BMPER: variants seen among roughly 807,000 people sequenced by gnomAD.
The protein encoded by BMPER is BMP-binding endothelial regulator protein.
A neutral mutation model predicts 87.3 loss-of-function variants in BMPER; 45 were observed. That is an observed-to-expected ratio of 0.52 (90% CI 0.41 to 0.66). The LOEUF (loss-of-function observed/expected upper bound fraction) is 0.66. Among genes scored for constraint, BMPER ranks in the 30% least tolerant of loss-of-function variants. The probability of loss-of-function intolerance (pLI) is 0.00; values close to 1 mark genes in which losing one functional copy is unlikely to be tolerated. For missense variants in BMPER, 784 were observed against 867.5 expected, an observed-to-expected ratio of 0.90 and a Z score of 1.21; for synonymous variants, 326 against 316.2, an observed-to-expected ratio of 1.03 and a Z score of -0.33.
chr7:34,062,940 G>A (rs1225257241), intron 11 of BMPER, among the ~76,000 whole-genome samples: 1 of 152,252 alleles, frequency 6.6e-6, no homozygotes, highest in East Asian at 1.9e-4. Context: ...TCTAAGCATG[G>A]CCTATTCTGA....
At chr7:34,063,820 C>T (rs1244861655) in intron 11 of BMPER, among the ~76,000 whole-genome samples, 1 of 152,204 alleles carries the variant, frequency 6.6e-6, no homozygotes, top group Non-Finnish European at 1.5e-5. Flanking sequence ...GTATCCATGT[C>T]AATGGAGATG....
At chr7:34,122,810 T>C (rs2127989668) in intron 13 of BMPER, among the ~76,000 whole-genome samples, 1 of 152,342 alleles carries the variant, frequency 6.6e-6, no homozygotes, top group East Asian at 1.9e-4. Context: ...AGGTACATAA[T>C]GATGATTTTC....
intron 2 of BMPER, among the ~76,000 whole-genome samples, chr7:33,926,925 A>G (rs142458137): frequency 6.6e-6 from 1 of 152,334 alleles, no homozygotes; most frequent in Non-Finnish European, 1.5e-5. Context: ...CTTTCCAGCA[A>G]CTGAGATGTC....
At chr7:34,049,879 C>T (rs1181618145) in intron 7 of BMPER, among the ~76,000 whole-genome samples, 1 of 152,144 alleles carries the variant, frequency 6.6e-6, no homozygotes, top group Non-Finnish European at 1.5e-5. Context: ...ACTTCACCAT[C>T]ATTTTTATAG....
intron 5 of BMPER, 92 bp downstream of exon 5, chr7:33,970,511 C>G: frequency 7.7e-7 from 1 of 1,296,774 alleles, no homozygotes; most frequent in Non-Finnish European, 1.1e-6. Context: ...AAATTTTCCT[C>G]ACTTTACATC....
intron 13 of BMPER, among the ~76,000 whole-genome samples, chr7:34,133,415 G>A (rs1301256860): frequency 6.6e-6 from 1 of 152,132 alleles, no homozygotes; most frequent in Non-Finnish European, 1.5e-5. Flanking sequence ...GTTCTGGAAG[G>A]TGGTGTGCCT....
At chr7:34,063,395 GT>G (rs1246185853) in intron 11 of BMPER, among the ~76,000 whole-genome samples, 7 of 144,304 alleles carry the variant, frequency 4.9e-5, no homozygotes, top group Non-Finnish European at 9.0e-5. Context: ...GTGTGTGTGT[GT>G]GTGTGTGTGT....
chr7:34,069,600 T>A (rs1484578969), intron 11 of BMPER, among the ~76,000 whole-genome samples: 1 of 152,222 alleles, frequency 6.6e-6, no homozygotes, highest in Non-Finnish European at 1.5e-5. Context: ...AAGCCCAAAC[T>A]TTTATGCACT....
At chr7:34,029,232 T>G (rs574554756) in intron 6 of BMPER, among the ~76,000 whole-genome samples, 138 of 152,170 alleles carry the variant, frequency 9.1e-4, no homozygotes, top group Non-Finnish European at 1.5e-3. Context: ...TTGTGCCAAA[T>G]TTGAAGATCA....
At position 34,134,480 on chromosome 7, in the gene BMPER, C is replaced by T. The variant is rs142111652; in HGVS notation, c.1746-8750C>T. Among the ~76,000 whole-genome samples the T allele has an allele frequency of 7.2e-3, 1,102 of 152,190 alleles. 8 individuals carry two copies. The highest frequency in any genetic ancestry group is 0.01 in the Non-Finnish European group (699 of 68,006). On this transcript the variant is annotated intron_variant, in intron 13 of 14. Coordinates refer to ENST00000649409, the MANE Select transcript of BMPER (RefSeq NM_001365308.1). ...GGATGGGGCCCAAAGTGAAATGAGG[C>T]GTTATCTCTAGAAGAGTGACAATTC...
chr7:34,129,604 G>A (rs202129026), intron 13 of BMPER, among the ~76,000 whole-genome samples: 89 of 106,174 alleles, frequency 8.4e-4, no homozygotes, highest in African/African-American at 2.1e-3. Flanking sequence ...GAGAGAGAGA[G>A]AGAGAAAGAG....
At chr7:34,073,052 A>G (rs1452504513) in intron 11 of BMPER, among the ~76,000 whole-genome samples, 1 of 152,194 alleles carries the variant, frequency 6.6e-6, no homozygotes, top group African/African-American at 2.4e-5. Context: ...TGTATGTGTC[A>G]TTACACTGAA....
At chr7:33,954,652 G>A (rs1368061226) in intron 3 of BMPER, among the ~76,000 whole-genome samples, 1 of 152,156 alleles carries the variant, frequency 6.6e-6, no homozygotes, top group Non-Finnish European at 1.5e-5. Context: ...AAAAGTATAA[G>A]CCTTTGTTGA....
intron 11 of BMPER, among the ~76,000 whole-genome samples, chr7:34,076,140 C>G (rs2127972601): frequency 6.6e-6 from 1 of 152,176 alleles, no homozygotes; most frequent in South Asian, 2.1e-4. Context: ...TTTCCCTTGC[C>G]CAGAGTCTCC....
intron 6 of BMPER, among the ~76,000 whole-genome samples, chr7:33,976,821 A>G (rs1785698970): frequency 6.6e-6 from 1 of 152,226 alleles, no homozygotes; most frequent in Non-Finnish European, 1.5e-5. Flanking sequence ...GATGATATGT[A>G]CAGGGGTCAC....
chr7:34,151,450 GA>G (rs2127996921), intron 14 of BMPER, among the ~76,000 whole-genome samples: 1 of 152,292 alleles, frequency 6.6e-6, no homozygotes, highest in East Asian at 1.9e-4. Flanking sequence ...AATAAATAGG[GA>G]AAAGAGGTAG....
chr7:34,128,513 G>A (rs914458637), intron 13 of BMPER, among the ~76,000 whole-genome samples: 3 of 152,108 alleles, frequency 2.0e-5, no homozygotes, highest in African/African-American at 7.2e-5. Flanking sequence ...TAATGTTTGC[G>A]CTTAGGTGGA....
At chr7:34,031,010 C>T (rs920492386) in intron 6 of BMPER, among the ~76,000 whole-genome samples, 1 of 152,022 alleles carries the variant, frequency 6.6e-6, no homozygotes, top group African/African-American at 2.4e-5. Flanking sequence ...CATTGTCTTT[C>T]ACGTTAGGTC....
intron 6 of BMPER, among the ~76,000 whole-genome samples, chr7:33,989,568 C>T (rs1585710606): frequency 6.6e-6 from 1 of 152,152 alleles, no homozygotes; most frequent in East Asian, 1.9e-4. Context: ...TGTAGGTTGC[C>T]TGTTCACTCT....
Sources: gnomAD v4.1 joint callset for allele counts (sites outside exome capture counted in the v4.1 genomes callset) on GRCh38, gnomAD v4.1.1 for gene constraint, MANE v1.5 for transcripts, NCBI Gene and HGNC (gene_info 2026-07-23, HGNC 2026-07-21) for gene names.